DMD: variants seen among roughly 807,000 people sequenced by gnomAD.
DMD encodes the protein mutant dystrophin.
DMD carries 63 observed loss-of-function variants against 330.1 expected under a neutral mutation model. The observed-to-expected ratio is 0.19, with a 90% CI of 0.16 to 0.24. DMD has a LOEUF of 0.24. Among genes scored for constraint, DMD ranks in the 10% least tolerant of loss-of-function variants. The pLI, the probability that DMD is intolerant of heterozygous loss-of-function variation, is 1.00. For synonymous variants in DMD, 1,223 were observed against 959.8 expected, an observed-to-expected ratio of 1.27 and a Z score of -5.07; for missense variants, 3,344 against 2,684.1, an observed-to-expected ratio of 1.25 and a Z score of -5.43.
chrX:31,415,178 G>A (rs1306733523), intron 60 of DMD, among the ~76,000 whole-genome samples: 1 of 112,308 alleles, frequency 8.9e-6, no homozygotes, highest in African/African-American at 3.2e-5. Context: ...ATTCTCCAGT[G>A]AGTAAACAAA....
At chrX:33,336,597 T>C (rs1344311716) in intron 1 of DMD, among the ~76,000 whole-genome samples, 1 of 111,515 alleles carries the variant, frequency 9.0e-6, no homozygotes, top group Non-Finnish European at 1.9e-5. Flanking sequence ...AGAATATAAA[T>C]GCCTTAGAGA....
intron 51 of DMD, among the ~76,000 whole-genome samples, chrX:31,738,916 T>C (rs1181674488): frequency 8.9e-6 from 1 of 111,878 alleles, no homozygotes; most frequent in Non-Finnish European, 1.9e-5. Flanking sequence ...GAAGGATGGT[T>C]ACCTGAGGAT....
At chrX:31,640,685 C>T (rs894607555) in intron 54 of DMD, among the ~76,000 whole-genome samples, 2 of 112,214 alleles carry the variant, frequency 1.8e-5, no homozygotes, top group Admixed American at 9.5e-5. Context: ...TATGCTAACC[C>T]GATAACTCCA....
intron 2 of DMD, among the ~76,000 whole-genome samples, chrX:32,963,204 A>G (rs2091974233): frequency 1.8e-5 from 2 of 112,198 alleles, no homozygotes; most frequent in South Asian, 7.4e-4. Flanking sequence ...GACAGTTCAC[A>G]TGCACACGAA....
rs763062703 is a variant in DMD, at chrX:32,664,281, A to G, written c.961-19129T>C. ...TTTTGAGATGGAGTCTCGCTCTGTC[A>G]CCCAGGCTGGAGTGCAGTAGCGCGA... On this transcript the variant is annotated intron_variant, in intron 9 of 78. Transcript: ENST00000357033. 6.5e-3 allele frequency among the ~76,000 whole-genome samples: 586 copies of G among 90,788 alleles called. 4 individuals are homozygous for G. The highest frequency in any genetic ancestry group is 0.013 in the Middle Eastern group (2 of 150). 78.8% of individuals were successfully genotyped at this position (90,788 alleles called of 115,157 possible).
chrX:32,394,274 A>G (rs1240241568), intron 30 of DMD, among the ~76,000 whole-genome samples: 1 of 112,007 alleles, frequency 8.9e-6, no homozygotes, highest in Non-Finnish European at 1.9e-5. Context: ...AAGACGCAAG[A>G]AGTTGAATGC....
intron 43 of DMD, among the ~76,000 whole-genome samples, chrX:32,229,726 A>ATATATATATAT (rs1569552140): frequency 1.1e-4 from 9 of 81,555 alleles, no homozygotes; most frequent in Non-Finnish European, 1.6e-4. Context: ...ATATATATAT[A>ATATATATATAT]AAATCAAAGA....
At chrX:31,754,588 C>A (rs974746354) in intron 51 of DMD, among the ~76,000 whole-genome samples, 1 of 111,024 alleles carries the variant, frequency 9.0e-6, no homozygotes, top group Admixed American at 9.7e-5. Context: ...GAATGTATTA[C>A]CCCCAAATTA....
chrX:31,536,508 T>A (rs2073418446), intron 55 of DMD, among the ~76,000 whole-genome samples: 1 of 111,774 alleles, frequency 8.9e-6, no homozygotes. Flanking sequence ...TGCTCACTGA[T>A]TGTGTACTCA....
chrX:32,050,620 T>C (rs1238248814), intron 44 of DMD, among the ~76,000 whole-genome samples: 1 of 111,489 alleles, frequency 9.0e-6, no homozygotes, highest in Non-Finnish European at 1.9e-5. Context: ...TGATTGTAAA[T>C]GTAAACCTTA....
At chrX:33,099,284 G>A (rs762226686) in intron 1 of DMD, among the ~76,000 whole-genome samples, 3 of 110,724 alleles carry the variant, frequency 2.7e-5, no homozygotes, top group South Asian at 3.9e-4. Context: ...CTTGTTGGGC[G>A]GTCTCTCCTC....
chrX:32,104,633 A>G (rs754832691), intron 44 of DMD, among the ~76,000 whole-genome samples: 2 of 112,455 alleles, frequency 1.8e-5, no homozygotes, highest in African/African-American at 6.4e-5. Context: ...AAAATAATTC[A>G]TAACACAACA....
intron 48 of DMD, among the ~76,000 whole-genome samples, chrX:31,859,714 GAC>G (rs1246782755): frequency 8.9e-6 from 1 of 112,308 alleles, no homozygotes; most frequent in East Asian, 2.8e-4. Context: ...AGCTTTATGA[GAC>G]AATGGAGAAA....
intron 4 of DMD, among the ~76,000 whole-genome samples, chrX:32,833,747 G>T (rs1398386397): frequency 9.5e-6 from 1 of 105,575 alleles, no homozygotes; most frequent in African/African-American, 3.4e-5. Context: ...AGATACTTGA[G>T]TGACATTATA....
chrX:31,781,120 C>G (rs771806391), intron 50 of DMD, among the ~76,000 whole-genome samples: 3 of 112,065 alleles, frequency 2.7e-5, no homozygotes, highest in Non-Finnish European at 5.6e-5. Context: ...CCATCATTTA[C>G]TCAGTGATTC....
intron 2 of DMD, among the ~76,000 whole-genome samples, chrX:32,899,673 CAA>C (rs755390925): frequency 1.4e-4 from 6 of 42,683 alleles, no homozygotes; most frequent in Admixed American, 3.2e-4. Context: ...GACTCCGTCT[CAA>C]AAAAAAAAAA....
intron 44 of DMD, among the ~76,000 whole-genome samples, chrX:32,067,125 A>T (rs367604657): frequency 9.0e-6 from 1 of 111,365 alleles, no homozygotes; most frequent in African/African-American, 3.3e-5. Flanking sequence ...CACATGGACA[A>T]AGAATGTTTT....
chrX:33,216,457 A>T (rs1432183304), upstream of DMD, among the ~76,000 whole-genome samples: 6 of 111,098 alleles, frequency 5.4e-5, no homozygotes, highest in African/African-American at 2.0e-4. Flanking sequence ...GGGGGAATGG[A>T]GGGAAGCGGG....
intron 44 of DMD, among the ~76,000 whole-genome samples, chrX:32,075,107 A>T (rs1273485710): frequency 8.9e-6 from 1 of 112,098 alleles, no homozygotes; most frequent in Admixed American, 9.5e-5. Context: ...AATATGAGAA[A>T]CATAGTTCCA....
Sources: gnomAD v4.1 joint callset for allele counts (sites outside exome capture counted in the v4.1 genomes callset) on GRCh38, gnomAD v4.1.1 for gene constraint, MANE v1.5 for transcripts, NCBI Gene and HGNC (gene_info 2026-07-23, HGNC 2026-07-21) for gene names.